Variants in VWA3B observed in about 807,000 individuals in gnomAD.
VWA3B encodes the protein von Willebrand factor A domain-containing protein 3B.
VWA3B carries 138 observed loss-of-function variants against 158.3 expected under a neutral mutation model. The ratio of observed to expected loss-of-function variants is 0.87; its 90% CI spans 0.76 to 1.00. The LOEUF (loss-of-function observed/expected upper bound fraction) is 1.00. Among genes scored for constraint, VWA3B ranks in the 50% least tolerant of loss-of-function variants. VWA3B has a pLI of 0.00. For synonymous variants in VWA3B, 596 were observed against 587.3 expected, an observed-to-expected ratio of 1.01 and a Z score of -0.21; for missense variants, 1,555 against 1,565.1, an observed-to-expected ratio of 0.99 and a Z score of 0.11.
intron 22 of VWA3B, among the ~76,000 whole-genome samples, chr2:98,283,045 C>A (rs184021740): frequency 6.6e-6 from 1 of 152,204 alleles, no homozygotes; most frequent in Non-Finnish European, 1.5e-5. Context: ...CAGATTTATA[C>A]CTTTAAACCC....
intron 14 of VWA3B, among the ~76,000 whole-genome samples, chr2:98,219,500 G>T (rs1329480576): frequency 6.6e-6 from 1 of 151,946 alleles, no homozygotes; most frequent in Non-Finnish European, 1.5e-5. Flanking sequence ...GGAAAAATCC[G>T]ATCAGTCTAA....
At chr2:98,326,498 C>T in the VWA3B span, among the ~76,000 whole-genome samples, 1 of 152,192 alleles carries the variant, frequency 6.6e-6, no homozygotes, top group Non-Finnish European at 1.5e-5. Flanking sequence ...TGGCAGCTTA[C>T]ACCTGTAATG....
chr2:98,194,862 C>T (rs147652305), intron 12 of VWA3B, among the ~76,000 whole-genome samples: 1 of 152,004 alleles, frequency 6.6e-6, no homozygotes, highest in East Asian at 1.9e-4. Flanking sequence ...TGCAGCCATT[C>T]TTATCAATGG....
intron 12 of VWA3B, among the ~76,000 whole-genome samples, chr2:98,208,421 C>T (rs1574082692): frequency 6.6e-6 from 1 of 151,920 alleles, no homozygotes; most frequent in East Asian, 1.9e-4. Context: ...TGTGTGTCTC[C>T]TCTGTTTCTC....
chr2:98,242,300 T>C (rs1289111786), intron 19 of VWA3B: 1 of 456,214 alleles, frequency 2.2e-6, no homozygotes, highest in South Asian at 1.5e-5. Flanking sequence ...GGAAATGAGG[T>C]ATTGAGCAAA....
chr2:98,120,786 T>G (rs1674896116), intron 4 of VWA3B, among the ~76,000 whole-genome samples: 1 of 152,236 alleles, frequency 6.6e-6, no homozygotes. Context: ...TAAAAACTAA[T>G]ACTCTGTTGA....
At chr2:98,241,881 C>A (rs1445832694) in intron 19 of VWA3B, among the ~76,000 whole-genome samples, 1 of 152,290 alleles carries the variant, frequency 6.6e-6, no homozygotes, top group Non-Finnish European at 1.5e-5. Flanking sequence ...TCTCCAGTCT[C>A]ACATCCAAAG....
intron 22 of VWA3B, among the ~76,000 whole-genome samples, chr2:98,272,643 C>G (rs1688272579): frequency 6.6e-6 from 1 of 152,146 alleles, no homozygotes; most frequent in African/African-American, 2.4e-5. Flanking sequence ...CCTGAACCTA[C>G]CCAACAAAGA....
chr2:98,129,006 G>A (rs1321105941), intron 6 of VWA3B, among the ~76,000 whole-genome samples: 3 of 152,204 alleles, frequency 2.0e-5, no homozygotes, highest in African/African-American at 7.2e-5. Context: ...CTGGGAACTG[G>A]GCTAGTCAGC....
chr2:98,109,985 T>C (rs1255535505), intron 2 of VWA3B, among the ~76,000 whole-genome samples: 1 of 152,100 alleles, frequency 6.6e-6, no homozygotes, highest in Admixed American at 6.5e-5. Context: ...TTGCATTTAT[T>C]ATCTTCGAAT....
At chr2:98,307,589 G>T (rs1228735687) in intron 26 of VWA3B, among the ~76,000 whole-genome samples, 1 of 152,204 alleles carries the variant, frequency 6.6e-6, no homozygotes, top group Non-Finnish European at 1.5e-5. Context: ...CTTTATTACG[G>T]TTAGCAGATG....
At position 98,312,327 on chromosome 2, in the gene VWA3B, G is replaced by C. The variant is rs775455939; in HGVS notation, c.3863G>C (p.Arg1288Thr). 1 of 1,613,410 alleles carries C rather than the reference G, an allele frequency of 6.2e-7. No homozygotes were observed. The highest frequency in any genetic ancestry group is 8.5e-7 in the Non-Finnish European group (1 of 1,179,550). The change falls in exon 28 of 28, where the codon AGG (arginine) becomes ACG (threonine). Residue 1288 changes from arginine to threonine, a missense_variant. Physicochemically the swap from Arg to Thr is moderately conservative, Grantham distance 71. Coordinates refer to ENST00000477737, the MANE Select transcript of VWA3B (RefSeq NM_144992.5). ...GCCACCCACAGCAGCAAAGGGCTGA[G>C]GAGCGTCCCTGAGACACTTTAAGGC... ...LQATHSSKGL[R>T]SVPETL
chr2:98,130,699 T>C (rs1356119346), intron 6 of VWA3B, among the ~76,000 whole-genome samples: 1 of 152,148 alleles, frequency 6.6e-6, no homozygotes, highest in African/African-American at 2.4e-5. Flanking sequence ...GAGCACAGGG[T>C]TGGGGGTAGC....
chr2:98,231,750 A>G (rs1685347596), intron 16 of VWA3B, among the ~76,000 whole-genome samples: 1 of 152,214 alleles, frequency 6.6e-6, no homozygotes, highest in Non-Finnish European at 1.5e-5. Flanking sequence ...GTCAACTGAT[A>G]TAGGCTTTTT....
At chr2:98,180,107 TTC>T (rs542114089) in intron 8 of VWA3B, among the ~76,000 whole-genome samples, 15 of 151,208 alleles carry the variant, frequency 9.9e-5, no homozygotes, top group Admixed American at 4.6e-4. Context: ...TTTCTTTTCT[TTC>T]TTTCTTCTGT....
intron 8 of VWA3B, among the ~76,000 whole-genome samples, chr2:98,170,412 G>A (rs1240646861): frequency 6.6e-6 from 1 of 152,108 alleles, no homozygotes; most frequent in African/African-American, 2.4e-5. Context: ...CAAAAGACAA[G>A]GAAATGGCTG....
chr2:98,237,676 A>G (rs970808570), intron 19 of VWA3B, among the ~76,000 whole-genome samples: 1 of 152,220 alleles, frequency 6.6e-6, no homozygotes, highest in African/African-American at 2.4e-5. Context: ...AAACATGAGA[A>G]CATGAAGACG....
chr2:98,221,328 C>A (rs532162492), intron 14 of VWA3B, among the ~76,000 whole-genome samples: 4 of 152,250 alleles, frequency 2.6e-5, no homozygotes, highest in African/African-American at 4.8e-5. Flanking sequence ...CTGCCCGAGC[C>A]AAATGACTGG....
intron 2 of VWA3B, among the ~76,000 whole-genome samples, chr2:98,109,293 T>C (rs985644120): frequency 6.6e-6 from 1 of 152,086 alleles, no homozygotes; most frequent in African/African-American, 2.4e-5. Flanking sequence ...CGCCTGGCTA[T>C]AATGTTTTCT....
Sources: allele counts gnomAD v4.1 joint callset (sites outside exome capture counted in the v4.1 genomes callset), GRCh38; gene constraint gnomAD v4.1.1; transcripts MANE v1.5; gene names NCBI Gene and HGNC (gene_info 2026-07-23, HGNC 2026-07-21).